TXNL4A: variants seen among roughly 807,000 people sequenced by gnomAD.
The protein encoded by TXNL4A is thioredoxin like 4A.
In TXNL4A, 17 loss-of-function variants were observed where a neutral mutation model predicts 14.6. The ratio of observed to expected loss-of-function variants is 1.16; its 90% CI spans 0.80 to 1.74. The LOEUF is 1.74. Ranked by LOEUF, TXNL4A falls within the 40% of genes most tolerant of loss-of-function variation. The pLI is 0.00. For synonymous variants in TXNL4A, 83 were observed against 70.6 expected, an observed-to-expected ratio of 1.18 and a Z score of -0.88; for missense variants, 74 against 195.2, an observed-to-expected ratio of 0.38 and a Z score of 3.70.
upstream of TXNL4A, among the ~76,000 whole-genome samples, chr18:79,993,349 G>C (rs1036015493): frequency 6.6e-6 from 1 of 151,728 alleles, no homozygotes; most frequent in African/African-American, 2.4e-5. The surrounding 1 kb of genome is among the most constrained non-coding windows in gnomAD (Gnocchi z 4.4). Context: ...TTTTTTCCTG[G>C]AATTTCCACT....
intron 1 of TXNL4A, among the ~76,000 whole-genome samples, chr18:80,030,834 G>T (rs1267442435): frequency 6.6e-6 from 1 of 152,150 alleles, no homozygotes; most frequent in African/African-American, 2.4e-5. Context: ...AGGTGTGGTG[G>T]TGCATGCCTG....
At chr18:80,004,758 A>G (rs183361224) in intron 1 of TXNL4A, among the ~76,000 whole-genome samples, 1 of 152,196 alleles carries the variant, frequency 6.6e-6, no homozygotes, top group South Asian at 2.1e-4. Context: ...CCTTGAGCAG[A>G]GTCCCAAGAA....
At position 79,973,425 on chromosome 18, in the gene TXNL4A, G is replaced by A. The variant is rs866866739; in HGVS notation, c.*260C>T. 7.6e-5 allele frequency: 32 copies of A among 419,462 alleles called. No homozygotes were observed. The highest frequency in any genetic ancestry group is 6.5e-4 in the Middle Eastern group (1 of 1,534). 26.0% of individuals were successfully genotyped at this position (419,462 alleles called of 1,614,324 possible). A position where few individuals can be genotyped will look rare whatever the true frequency, so the allele number is the denominator to read the frequency against. Reference sequence around the variant, plus strand: ...ACAGGCTCACAGGATAAACACCTTCGTTTTACTCCAAGGGTAAGAATTAAC... The same window carrying A: ...ACAGGCTCACAGGATAAACACCTTCATTTTACTCCAAGGGTAAGAATTAAC... On this transcript the variant is annotated 3_prime_UTR_variant, in exon 3 of 3. Transcript: ENST00000269601.
At chr18:80,018,501 G>A (rs2051827146) in intron 1 of TXNL4A, among the ~76,000 whole-genome samples, 1 of 152,130 alleles carries the variant, frequency 6.6e-6, no homozygotes, top group Non-Finnish European at 1.5e-5. Context: ...AGAACTGAAG[G>A]AAATAGAGAC....
At chr18:80,013,763 A>G (rs1219391006) in intron 1 of TXNL4A, among the ~76,000 whole-genome samples, 1 of 151,838 alleles carries the variant, frequency 6.6e-6, no homozygotes, top group East Asian at 1.9e-4. Flanking sequence ...TAAATATTAC[A>G]CAAGGGTCCG....
intron 1 of TXNL4A, among the ~76,000 whole-genome samples, chr18:80,008,822 G>C (rs2145112852): frequency 6.6e-6 from 1 of 152,278 alleles, no homozygotes; most frequent in South Asian, 2.1e-4. Context: ...CTGTCCCCCA[G>C]GCTGGAGTGC....
At chr18:80,001,018 C>T (rs1388202959) in intron 1 of TXNL4A, among the ~76,000 whole-genome samples, 1 of 152,238 alleles carries the variant, frequency 6.6e-6, no homozygotes, top group Non-Finnish European at 1.5e-5. Context: ...CAGCCCCTCC[C>T]ATCACAGGCC....
intron 2 of TXNL4A, among the ~76,000 whole-genome samples, chr18:79,974,849 C>CG (rs1295456465): frequency 2.6e-5 from 4 of 152,186 alleles, no homozygotes; most frequent in Non-Finnish European, 5.9e-5. Context: ...AGTCCCACCC[C>CG]GGCCTGCAGA....
At chr18:79,996,716 G>A (rs982410631) in intron 1 of TXNL4A, among the ~76,000 whole-genome samples, 2 of 152,248 alleles carry the variant, frequency 1.3e-5, no homozygotes, top group Non-Finnish European at 2.9e-5. Flanking sequence ...GCCGAGGCAG[G>A]TGGCTCACTT....
chr18:79,990,127 A>G (rs1029419563), upstream of TXNL4A, among the ~76,000 whole-genome samples: 2 of 152,244 alleles, frequency 1.3e-5, no homozygotes, highest in African/African-American at 2.4e-5. Context: ...TTCCTCTGGG[A>G]CACAGCACCA....
At chr18:80,015,718 TC>T (rs2051803898) in intron 1 of TXNL4A, among the ~76,000 whole-genome samples, 2 of 150,940 alleles carry the variant, frequency 1.3e-5, no homozygotes, top group Non-Finnish European at 3.0e-5. Context: ...TGCATAGTAT[TC>T]CATGGTGTAT....
intron 1 of TXNL4A, among the ~76,000 whole-genome samples, chr18:80,022,700 A>G (rs1371926987): frequency 6.6e-6 from 1 of 152,212 alleles, no homozygotes; most frequent in Non-Finnish European, 1.5e-5. Context: ...GGTGTTCCTT[A>G]GTCCCCTTCC....
At chr18:80,016,726 C>CT (rs1437321656) in intron 1 of TXNL4A, among the ~76,000 whole-genome samples, 2 of 151,366 alleles carry the variant, frequency 1.3e-5, no homozygotes, top group Non-Finnish European at 3.0e-5. Context: ...ATCTATATCT[C>CT]TGTTTTGGTA....
At chr18:80,028,321 T>C (rs1473744934) in intron 1 of TXNL4A, among the ~76,000 whole-genome samples, 2 of 149,542 alleles carry the variant, frequency 1.3e-5, no homozygotes, top group Non-Finnish European at 3.0e-5. Flanking sequence ...TGCCACATTC[T>C]CCTGAGACCC....
At chr18:80,020,251 A>G (rs1400972429) in intron 1 of TXNL4A, among the ~76,000 whole-genome samples, 2 of 152,052 alleles carry the variant, frequency 1.3e-5, no homozygotes, top group African/African-American at 4.8e-5. Context: ...ACTCCTGTTC[A>G]GGTTCTCCAG....
At chr18:80,009,268 A>G (rs769761653) in intron 1 of TXNL4A, among the ~76,000 whole-genome samples, 10 of 152,206 alleles carry the variant, frequency 6.6e-5, no homozygotes, top group Non-Finnish European at 1.3e-4. Context: ...GCAGGAGGAA[A>G]GTGCGGACAG....
At chr18:79,978,085 C>T (rs528784920) in intron 1 of TXNL4A, among the ~76,000 whole-genome samples, 6 of 152,292 alleles carry the variant, frequency 3.9e-5, no homozygotes, top group African/African-American at 1.4e-4. Context: ...CTCACGCCAC[C>T]GTTTCCCAGA....
At chr18:79,996,570 A>T (rs1274782579) in intron 1 of TXNL4A, among the ~76,000 whole-genome samples, 1 of 152,196 alleles carries the variant, frequency 6.6e-6, no homozygotes, top group Admixed American at 6.5e-5. Context: ...GTCAACATCC[A>T]TAATGCTCAT....
rs1387411477 is a variant in TXNL4A at position 79,987,123 on chromosome 18, G to A, written c.153+1117C>T. 2.0e-5 allele frequency among the ~76,000 whole-genome samples: 3 copies of A among 152,148 alleles called. No homozygotes were observed. The East Asian group carries it at 5.8e-4, about 29-fold the overall frequency. On this transcript the variant is annotated intron_variant, in intron 1 of 2. Transcript: ENST00000269601. ...AAGTCGCATCAGAATTCCCTGAGGG[G>A]CTTCTTTAAAAAGCCATTGCTGGAC...
Sources: gnomAD v4.1 joint callset for allele counts (sites outside exome capture counted in the v4.1 genomes callset) on GRCh38, gnomAD v4.1.1 for gene constraint, Gnocchi (gnomAD v3.1) non-coding constraint, MANE v1.5 for transcripts, NCBI Gene and HGNC (gene_info 2026-07-23, HGNC 2026-07-21) for gene names.